RCOR1: variants seen among roughly 807,000 people sequenced by gnomAD.
The protein encoded by RCOR1 is REST corepressor 1.
RCOR1 carries 12 observed loss-of-function variants against 64.0 expected under a neutral mutation model. The observed-to-expected ratio is 0.19, with a 90% CI of 0.12 to 0.30. The LOEUF (loss-of-function observed/expected upper bound fraction) is 0.30, where lower values mean the gene tolerates loss of function less well. Among genes scored for constraint, RCOR1 ranks in the 10% least tolerant of loss-of-function variants. The pLI, the probability that RCOR1 is intolerant of heterozygous loss-of-function variation, is 1.00. For synonymous variants in RCOR1, 279 were observed against 227.2 expected, an observed-to-expected ratio of 1.23 and a Z score of -2.05; for missense variants, 502 against 621.2, an observed-to-expected ratio of 0.81 and a Z score of 2.04.
Position 102,611,052 on chromosome 14 carries a change from T to G in RCOR1, c.361+17727T>G, listed in dbSNP as rs558620102. 9.2e-5 allele frequency among the ~76,000 whole-genome samples: 14 copies of G among 152,178 alleles called. No homozygotes were observed. The East Asian group carries it at 2.7e-3, about 29-fold the overall frequency. On this transcript the variant is annotated intron_variant, in intron 2 of 11. Coordinates refer to ENST00000262241, the MANE Select transcript of RCOR1 (RefSeq NM_015156.4). Reference sequence around the variant, plus strand: ...AAAGAGCAAGTTGAAATGGAAAGCTTAGGAGAGCTTAGTTTTTTGTTTGTT... The same window carrying G: ...AAAGAGCAAGTTGAAATGGAAAGCTGAGGAGAGCTTAGTTTTTTGTTTGTT...
intron 2 of RCOR1, among the ~76,000 whole-genome samples, chr14:102,595,203 TA>T (rs1272067193): frequency 2.6e-5 from 4 of 152,232 alleles, no homozygotes; most frequent in Non-Finnish European, 5.9e-5. Context: ...CCAGCTATTC[TA>T]AAATGGAAAA....
In RCOR1 at chr14:102,614,540, A is replaced by T. The variant is rs867021375; in HGVS notation, c.361+21215A>T. On this transcript the variant is annotated intron_variant, in intron 2 of 11. Coordinates refer to ENST00000262241, the MANE Select transcript of RCOR1 (RefSeq NM_015156.4). ...CACCCAGCCCTTCTGGCTCTTTTTA[A>T]ATGTCAGATATTGATAACTCCCAGA... Among the ~76,000 whole-genome samples the T allele has an allele frequency of 3.6e-4, 54 of 152,058 alleles. 1 individual carries two copies. The highest frequency in any genetic ancestry group is 1.3e-3 in the African/African-American group (54 of 41,408).
At position 102,631,499 on chromosome 14, in the gene RCOR1, G is replaced by A. The variant is rs925893306; in HGVS notation, c.361+38174G>A. 7.9e-5 allele frequency among the ~76,000 whole-genome samples: 12 copies of A among 151,860 alleles called. 1 individual carries two copies. The highest frequency in any genetic ancestry group is 2.4e-4 in the African/African-American group (10 of 41,282). On this transcript the variant is annotated intron_variant, in intron 2 of 11. Transcript: ENST00000262241. ...ATTACAGGTGTGAGCCATCACGCCC[G>A]GCCCAGTCCAGACTATTTTTGAGAA...
intron 2 of RCOR1, among the ~76,000 whole-genome samples, chr14:102,637,110 T>G (rs1400940724): frequency 6.7e-6 from 1 of 149,018 alleles, no homozygotes; most frequent in Non-Finnish European, 1.5e-5. Flanking sequence ...AAGTTTTTTT[T>G]GTTTGTTTGT....
chr14:102,628,145 C>T (rs1010968403), intron 2 of RCOR1, among the ~76,000 whole-genome samples: 1 of 152,094 alleles, frequency 6.6e-6, no homozygotes. Context: ...CAGAGGAGTT[C>T]CCTCTTAAAC....
chr14:102,656,232 C>T (rs1049199296), intron 2 of RCOR1: 13 of 389,098 alleles, frequency 3.3e-5, no homozygotes, highest in East Asian at 1.7e-4. Flanking sequence ...CTCCACCTCC[C>T]GGGTTCAAGC....
intron 2 of RCOR1, among the ~76,000 whole-genome samples, chr14:102,679,625 C>T (rs1181328643): frequency 6.6e-6 from 1 of 151,994 alleles, no homozygotes; most frequent in African/African-American, 2.4e-5. Context: ...ACTACAGGCG[C>T]CCGCCACCAC....
rs138042338 is a variant in RCOR1 at position 102,702,937 on chromosome 14, A to G, written c.498+1607A>G. On this transcript the variant is annotated intron_variant, in intron 4 of 11. Transcript: ENST00000262241. Reference sequence around the variant, plus strand: ...ACTAGGCAAAGATTTTAAAACAACTATCTTAAAGATGTTTTTAAAGAACTA... The same window carrying G: ...ACTAGGCAAAGATTTTAAAACAACTGTCTTAAAGATGTTTTTAAAGAACTA... Among the ~76,000 whole-genome samples, 1,105 of 152,344 alleles carry G rather than the reference A, an allele frequency of 7.3e-3. 14 individuals carry two copies. Among genetic ancestry groups the G allele is most frequent in the Middle Eastern group, 0.024 (7 of 294 alleles).
chr14:102,691,088 C>A (rs79380422), intron 3 of RCOR1, among the ~76,000 whole-genome samples: 1 of 152,310 alleles, frequency 6.6e-6, no homozygotes, highest in East Asian at 1.9e-4. Flanking sequence ...GTGTACCAAG[C>A]GCTAGCAGGC....
chr14:102,691,929 A>G (rs540251032), intron 3 of RCOR1, among the ~76,000 whole-genome samples: 1 of 152,330 alleles, frequency 6.6e-6, no homozygotes, highest in East Asian at 1.9e-4. Flanking sequence ...TAGAATATAT[A>G]TGCTAAGTTC....
intron 2 of RCOR1, among the ~76,000 whole-genome samples, chr14:102,671,065 C>T (rs559754452): frequency 7.2e-5 from 11 of 152,200 alleles, no homozygotes; most frequent in Admixed American, 2.6e-4. Flanking sequence ...TGAGCCACCG[C>T]ACCCAGCCCT....
Position 102,726,817 on chromosome 14 carries a change from G to A in RCOR1, c.*311G>A. On this transcript the variant is annotated 3_prime_UTR_variant, in exon 12 of 12. Coordinates refer to ENST00000262241, the MANE Select transcript of RCOR1 (RefSeq NM_015156.4). ...GCCGGAGCCCCCGAGCCCCACCAAT[G>A]GCAGCTCTTCCCAGTCAGCAGCTTC... The A allele has an allele frequency of 2.8e-6, 1 of 352,510 alleles. No homozygotes were observed. Among genetic ancestry groups the A allele is most frequent in the Non-Finnish European group, 5.1e-6 (1 of 196,144 alleles). 21.8% of individuals were successfully genotyped at this position (352,510 alleles called of 1,614,324 possible).
chr14:102,623,672 T>C (rs1320136421), intron 2 of RCOR1, among the ~76,000 whole-genome samples: 2 of 151,504 alleles, frequency 1.3e-5, no homozygotes, highest in African/African-American at 4.8e-5. Context: ...CCTCCCAAAG[T>C]GCTGAGATTA....
At chr14:102,655,334 C>T in intron 2 of RCOR1, 1 of 985,128 alleles carries the variant, frequency 1.0e-6, no homozygotes, top group Non-Finnish European at 1.2e-6. Context: ...ACCTGTTGTA[C>T]TTTACTTTAG....
chr14:102,714,449 G>C lies in RCOR1; in HGVS notation c.885G>C (p.Gln295His). Residue 295 changes from glutamine to histidine, a missense_variant, in exon 8 of 12, where the codon CAG becomes CAC. Physicochemically the swap from Gln to His is conservative, Grantham distance 24. This residue lies in a region of RCOR1 where 260 missense variants were observed against 416.4 expected (regional missense o/e 0.62). Coordinates refer to ENST00000262241, the MANE Select transcript of RCOR1 (RefSeq NM_015156.4). The stretch of plus-strand genomic sequence containing the variant: ...TTCCCCCTACTGAGACAGTTCCTCA[G>C]GTCAAAAAAGAAAAACATAGCACAC... ...KEVPPTETVP[Q>H]VKKEKHSTQA... The C allele has an allele frequency of 6.2e-7, 1 of 1,611,332 alleles. No individual in the cohort carries two copies. The highest frequency in any genetic ancestry group is 8.5e-7 in the Non-Finnish European group (1 of 1,178,476).
chr14:102,597,956 G>A (rs1893299248), intron 2 of RCOR1, among the ~76,000 whole-genome samples: 1 of 152,012 alleles, frequency 6.6e-6, no homozygotes, highest in African/African-American at 2.4e-5. Context: ...CCGAGTAGCC[G>A]GGATTACAGG....
chr14:102,628,957 C>G (rs1894041680), intron 2 of RCOR1, among the ~76,000 whole-genome samples: 1 of 148,200 alleles, frequency 6.7e-6, no homozygotes, highest in African/African-American at 2.5e-5. Context: ...GTGGCATGAT[C>G]TCTGCTCACT....
chr14:102,684,347 C>T (rs892948783), intron 3 of RCOR1, among the ~76,000 whole-genome samples: 1 of 152,044 alleles, frequency 6.6e-6, no homozygotes. Flanking sequence ...TCAGGGAAAT[C>T]GAGTTGTTAG....
intron 5 of RCOR1, among the ~76,000 whole-genome samples, 157 bp downstream of exon 5, chr14:102,707,669 G>T (rs957860653): frequency 6.6e-6 from 1 of 152,110 alleles, no homozygotes; most frequent in Non-Finnish European, 1.5e-5. Context: ...CTCTGTGGAT[G>T]GGAGTTTTCC....
Sources: allele counts gnomAD v4.1 joint callset (sites outside exome capture counted in the v4.1 genomes callset), GRCh38; gene constraint gnomAD v4.1.1; regional missense constraint gnomAD v4.1.1; transcripts MANE v1.5; gene names NCBI Gene and HGNC (gene_info 2026-07-23, HGNC 2026-07-21).